Variants in PABPC4L observed in about 807,000 individuals in gnomAD.
The protein encoded by PABPC4L is poly(A) binding protein cytoplasmic 4 like.
For missense variants in PABPC4L, 452 were observed against 451.4 expected (o/e 1.00, Z -0.01); for synonymous variants, 169 against 164.1 (o/e 1.03, Z -0.23).
chr4:134,027,996 T>G, the PABPC4L span, among the ~76,000 whole-genome samples: 1 of 152,134 alleles, frequency 6.6e-6, no homozygotes, highest in Admixed American at 6.6e-5. Context: ...TTAGGCAGCA[T>G]TAGATAGCTG....
the PABPC4L span, among the ~76,000 whole-genome samples, chr4:134,177,661 A>G: frequency 1.3e-5 from 2 of 152,014 alleles, no homozygotes; most frequent in Admixed American, 6.6e-5. Flanking sequence ...CACAACTTCT[A>G]TGTGAACTCA....
At chr4:133,971,310 A>G in the PABPC4L span, among the ~76,000 whole-genome samples, 1 of 151,588 alleles carries the variant, frequency 6.6e-6, no homozygotes, top group Non-Finnish European at 1.5e-5. Flanking sequence ...ACGGGGTTTC[A>G]CCATGTTAGC....
the PABPC4L span, among the ~76,000 whole-genome samples, chr4:134,187,540 T>G: frequency 2.6e-5 from 1 of 38,456 alleles, no homozygotes; most frequent in African/African-American, 1.0e-4. Flanking sequence ...CCAGGGCCTG[T>G]CGTGGGGTGG....
the PABPC4L span, among the ~76,000 whole-genome samples, chr4:133,974,741 T>C: frequency 2.0e-5 from 3 of 152,072 alleles, no homozygotes; most frequent in Non-Finnish European, 4.4e-5. Flanking sequence ...AAAGGATGTG[T>C]ACAAAGGCCA....
At chr4:134,002,564 G>T in the PABPC4L span, among the ~76,000 whole-genome samples, 6 of 151,846 alleles carry the variant, frequency 4.0e-5, no homozygotes, top group South Asian at 1.2e-3. Context: ...TATGTATTTA[G>T]CCATGAATTA....
the PABPC4L span, among the ~76,000 whole-genome samples, chr4:134,153,638 C>A: frequency 2.1e-5 from 3 of 145,126 alleles, no homozygotes; most frequent in African/African-American, 7.9e-5. Context: ...CATATTTATT[C>A]TTTCTTTCTT....
the PABPC4L span, among the ~76,000 whole-genome samples, chr4:134,157,824 AAAAC>A: frequency 6.6e-6 from 1 of 151,846 alleles, no homozygotes; most frequent in African/African-American, 2.4e-5. Context: ...TTTATTCAAT[AAAAC>A]AATTTTCTTT....
chr4:134,023,372 G>C, the PABPC4L span, among the ~76,000 whole-genome samples: 15 of 152,214 alleles, frequency 9.9e-5, no homozygotes, highest in East Asian at 5.8e-4. Context: ...TATGTGGGGA[G>C]ACAGCTTCCT....
At chr4:133,968,450 G>C in the PABPC4L span, among the ~76,000 whole-genome samples, 2 of 152,186 alleles carry the variant, frequency 1.3e-5, no homozygotes, top group Non-Finnish European at 2.9e-5. Context: ...AGAATCCATT[G>C]TCTAGGACGT....
chr4:134,048,228 T>C, the PABPC4L span, among the ~76,000 whole-genome samples: 5 of 152,142 alleles, frequency 3.3e-5, no homozygotes, highest in Non-Finnish European at 5.9e-5. Flanking sequence ...CTAATAAATA[T>C]ACTTGAGAGA....
At chr4:134,119,592 TA>T in the PABPC4L span, among the ~76,000 whole-genome samples, 1 of 151,798 alleles carries the variant, frequency 6.6e-6, no homozygotes, top group South Asian at 2.1e-4. Context: ...TATTAAAATG[TA>T]AAGAAGAAAA....
chr4:134,039,157 T>G, the PABPC4L span, among the ~76,000 whole-genome samples: 3 of 152,164 alleles, frequency 2.0e-5, no homozygotes, highest in Admixed American at 6.5e-5. Context: ...TAATTCTGAG[T>G]TCTAACGTCA....
the PABPC4L span, among the ~76,000 whole-genome samples, chr4:134,085,320 CAT>C: frequency 2.0e-5 from 3 of 151,860 alleles, no homozygotes; most frequent in Non-Finnish European, 4.4e-5. Flanking sequence ...ACATAAAATA[CAT>C]ATATATATCA....
At chr4:134,147,115 C>T in the PABPC4L span, among the ~76,000 whole-genome samples, 1 of 152,144 alleles carries the variant, frequency 6.6e-6, no homozygotes, top group Non-Finnish European at 1.5e-5. Context: ...CATACATCAG[C>T]ATTTCTCAGA....
chr4:134,106,804 T>C, the PABPC4L span, among the ~76,000 whole-genome samples: 1 of 151,452 alleles, frequency 6.6e-6, no homozygotes, highest in Non-Finnish European at 1.5e-5. Context: ...CTCAAAAAAA[T>C]GCAGGCTTGA....
chr4:134,070,290 T>G, the PABPC4L span, among the ~76,000 whole-genome samples: 4 of 151,966 alleles, frequency 2.6e-5, no homozygotes, highest in African/African-American at 4.8e-5. Context: ...GATTCAAGCT[T>G]GTTCACAAGT....
the PABPC4L span, among the ~76,000 whole-genome samples, chr4:134,153,365 A>G: frequency 6.6e-6 from 1 of 151,918 alleles, no homozygotes; most frequent in African/African-American, 2.4e-5. Flanking sequence ...GTGTATATAT[A>G]TATATATTTT....
rs1249892342 is a variant in PABPC4L at position 134,199,543 on chromosome 4, G to A, written c.*364C>T. ...CTATTTTGAGCATATTTTCATAGAA[G>A]AAATTAAAGCTAGCAATATTACTAA... On this transcript the variant is annotated 3_prime_UTR_variant, in exon 2 of 2. Coordinates refer to ENST00000421491, the MANE Select transcript of PABPC4L (RefSeq NM_001114734.2). 3.1e-5 allele frequency: 5 copies of A among 159,010 alleles called. No individual in the cohort carries two copies. Among genetic ancestry groups the A allele is most frequent in the African/African-American group, 1.2e-4 (5 of 41,780 alleles). 9.8% of individuals were successfully genotyped at this position (159,010 alleles called of 1,614,324 possible).
the PABPC4L span, among the ~76,000 whole-genome samples, chr4:134,183,790 AAAGAAG>A: frequency 0.027 from 4,070 of 152,034 alleles, 188 homozygotes; most frequent in African/African-American, 0.091. Flanking sequence ...TATTGTTGAA[AAAGAAG>A]AAGACCAATA....
Sources: gnomAD v4.1 joint callset for allele counts (sites outside exome capture counted in the v4.1 genomes callset) on GRCh38, gnomAD v4.1.1 for gene constraint, MANE v1.5 for transcripts, NCBI Gene and HGNC (gene_info 2026-07-23, HGNC 2026-07-21) for gene names.